Variants in C4orf50 observed in about 807,000 individuals in gnomAD.
The protein encoded by C4orf50 is uncharacterized protein C4orf50.
Under a neutral mutation model 77.2 loss-of-function variants are expected in C4orf50, and 80 were observed. The observed-to-expected ratio is 1.04, with a 90% CI of 0.87 to 1.25. The LOEUF (loss-of-function observed/expected upper bound fraction) is 1.25, where lower values mean the gene tolerates loss of function less well. C4orf50 is among the 50% of genes most tolerant of loss of function. C4orf50 has a pLI of 0.00. For missense variants in C4orf50, 1,257 were observed against 1,152.9 expected (o/e 1.09, Z -1.31); for synonymous variants, 532 against 465.3 (o/e 1.14, Z -1.84).
intron 33 of C4orf50, among the ~76,000 whole-genome samples, chr4:5,962,844 C>T (rs1251326023): frequency 2.0e-5 from 3 of 152,152 alleles, no homozygotes; most frequent in Admixed American, 6.5e-5. Flanking sequence ...CTATCACTGT[C>T]GTCATTATCC....
chr4:5,996,462 C>T (rs1251747893), intron 25 of C4orf50, among the ~76,000 whole-genome samples: 1 of 151,590 alleles, frequency 6.6e-6, no homozygotes, highest in Non-Finnish European at 1.5e-5. Flanking sequence ...GCTACCACCA[C>T]CCACGTCTGT....
intron 28 of C4orf50, 104 bp from the exon 7 acceptor site, chr4:5,980,442 T>G (rs906992583): frequency 1.1e-6 from 1 of 899,648 alleles, no homozygotes. Context: ...TTTTTTTTTT[T>G]GTTGTTGTTG....
At chr4:5,931,668 A>C (rs532392728) in intron 7 of C4orf50, among the ~76,000 whole-genome samples, 1 of 152,138 alleles carries the variant, frequency 6.6e-6, no homozygotes, top group East Asian at 1.9e-4. Flanking sequence ...GTGATGTCTG[A>C]CGGGGAGGCC....
chr4:5,974,362 C>T (rs762432092), intron 30 of C4orf50, among the ~76,000 whole-genome samples: 36 of 152,254 alleles, frequency 2.4e-4, no homozygotes, highest in Admixed American at 8.5e-4. Context: ...CTCACACTGC[C>T]GGAGCCTCAC....
intron 28 of C4orf50, among the ~76,000 whole-genome samples, chr4:5,983,258 C>T (rs1720695176): frequency 6.6e-6 from 1 of 152,210 alleles, no homozygotes; most frequent in Non-Finnish European, 1.5e-5. Context: ...CTGCTCAAAA[C>T]CCTCTGTTGG....
At chr4:6,004,458 A>G (rs1289960606) in intron 25 of C4orf50, among the ~76,000 whole-genome samples, 1 of 10,186 alleles carries the variant, frequency 9.8e-5, no homozygotes, top group Non-Finnish European at 2.7e-4. Flanking sequence ...AATGGTGATG[A>G]TGGTGATGGT....
rs538599011 is a variant in C4orf50 at position 6,007,156 on chromosome 4, G to A, written c.963+840C>T. On this transcript the variant is annotated intron_variant, in intron 25 of 33. Transcript: ENST00000531445. The surrounding 1 kb of genome is among the most constrained non-coding windows in gnomAD (Gnocchi z 4.1). ...GGCTGCCTGACCAGTGGCCAGAGGG[G>A]TAGATAGATGAACACATGGTGTGGT... Among the ~76,000 whole-genome samples, 4 of 152,278 alleles carry A rather than the reference G, an allele frequency of 2.6e-5. No individual in the cohort carries two copies. The highest frequency in any genetic ancestry group is 2.6e-4 in the Admixed American group (4 of 15,302).
chr4:5,998,293 G>T (rs1721684051), intron 25 of C4orf50, among the ~76,000 whole-genome samples: 1 of 152,060 alleles, frequency 6.6e-6, no homozygotes, highest in Admixed American at 6.5e-5. Context: ...AAGACCACTG[G>T]CCATTTTGTA....
rs1436898035 is a variant in C4orf50 at position 6,007,301 on chromosome 4, G to A, written c.963+695C>T. 6.6e-6 allele frequency among the ~76,000 whole-genome samples: 1 copy of A among 152,152 alleles called. No individual in the cohort carries two copies. Among genetic ancestry groups the A allele is most frequent in the African/African-American group, 2.4e-5 (1 of 41,422 alleles). On this transcript the variant is annotated intron_variant, in intron 25 of 33. Transcript: ENST00000531445. This position sits in a 1 kb window ranked among gnomAD's most constrained non-coding sequence, Gnocchi z 4.1. ...AAATCCTAATCCTCAATGTGAGGGTGTCAGGTGGTGGAGTCTTTGGGAGGT... is the reference window on the plus strand; with the variant it reads ...AAATCCTAATCCTCAATGTGAGGGTATCAGGTGGTGGAGTCTTTGGGAGGT...
chr4:5,962,577 A>G (rs1374363360), intron 33 of C4orf50, among the ~76,000 whole-genome samples: 1 of 152,042 alleles, frequency 6.6e-6, no homozygotes, highest in Non-Finnish European at 1.5e-5. Context: ...TCTCCTCTCA[A>G]CCCCGCCCCC....
At chr4:5,982,936 A>G (rs1256169908) in intron 28 of C4orf50, among the ~76,000 whole-genome samples, 1 of 152,174 alleles carries the variant, frequency 6.6e-6, no homozygotes, top group East Asian at 1.9e-4. Flanking sequence ...AAGCAGCAAC[A>G]GTGGAAGCTC....
intron 25 of C4orf50, among the ~76,000 whole-genome samples, chr4:6,004,398 G>A (rs1722134160): frequency 7.1e-6 from 1 of 141,578 alleles, no homozygotes; most frequent in African/African-American, 2.7e-5. Flanking sequence ...TGGTGGTGAT[G>A]GTGATGGAGA....
At chr4:5,989,960 T>A (rs1247608668) in exon 28 of C4orf50, 1 of 1,415,014 alleles carries the variant, frequency 7.1e-7, no homozygotes. Context: ...GTCCTCCCAG[T>A]GGCTCTGACT....
intron 7 of C4orf50, among the ~76,000 whole-genome samples, chr4:5,920,164 A>G (rs1254576437): frequency 6.6e-6 from 1 of 152,190 alleles, no homozygotes; most frequent in Non-Finnish European, 1.5e-5. Context: ...CCTGGAAACA[A>G]TGCTGCACAG....
intron 32 of C4orf50, among the ~76,000 whole-genome samples, chr4:5,966,975 G>A (rs536191320): frequency 7.9e-5 from 12 of 152,184 alleles, no homozygotes; most frequent in Non-Finnish European, 1.5e-4. Context: ...AAACTTAGTA[G>A]AACATGGTAA....
At chr4:5,981,305 A>G (rs930410836) in intron 28 of C4orf50, among the ~76,000 whole-genome samples, 7 of 152,220 alleles carry the variant, frequency 4.6e-5, no homozygotes, top group Non-Finnish European at 8.8e-5. Flanking sequence ...TATAATTGGA[A>G]CTGTGACAAA....
chr4:5,944,159 G>C lies in C4orf50; in HGVS notation c.*2474+12742C>G, dbSNP rs10002968. Among the ~76,000 whole-genome samples, 412 of 152,278 alleles carry C rather than the reference G, an allele frequency of 2.7e-3. 5 individuals are homozygous for C. Among genetic ancestry groups the C allele is most frequent in the Admixed American group, 5.0e-3 (77 of 15,300 alleles). On this transcript the variant is annotated intron_variant, in intron 7 of 7. Transcript: ENST00000324058. ...GGCATCGAGCTTCCCTGGCCTCCTG[G>C]TTCCTCCCTCCCCATGGAGAGTCAT...
At chr4:5,962,105 G>C (rs542835628) in intron 33 of C4orf50, among the ~76,000 whole-genome samples, 5 of 152,216 alleles carry the variant, frequency 3.3e-5, no homozygotes, top group Non-Finnish European at 5.9e-5. Context: ...TGGGAACCAG[G>C]AGCAGGTGCC....
At chr4:5,955,841 T>A (rs1258769464), downstream of C4orf50, among the ~76,000 whole-genome samples, 3 of 152,174 alleles carry the variant, frequency 2.0e-5, no homozygotes, top group Admixed American at 6.5e-5. This position sits in a 1 kb window ranked among gnomAD's most constrained non-coding sequence, Gnocchi z 5.1. Context: ...TGCAGGGCCC[T>A]GTCTGTGATG....
Sources: allele counts gnomAD v4.1 joint callset (sites outside exome capture counted in the v4.1 genomes callset), GRCh38; gene constraint gnomAD v4.1.1; non-coding constraint Gnocchi (gnomAD v3.1); transcripts MANE v1.5; gene names NCBI Gene and HGNC (gene_info 2026-07-23, HGNC 2026-07-21).